PLA2G6: variants seen among roughly 807,000 people sequenced by gnomAD.
PLA2G6 encodes the protein phospholipase A2 group VI.
In PLA2G6, 62 loss-of-function variants were observed where a neutral mutation model predicts 83.8. That is an observed-to-expected ratio of 0.74 (90% CI 0.60 to 0.91). The LOEUF is 0.91. Among genes scored for constraint, PLA2G6 ranks in the 40% least tolerant of loss-of-function variants. PLA2G6 has a pLI of 0.00. For missense variants in PLA2G6, 944 were observed against 1,102.0 expected (o/e 0.86, Z 2.03); for synonymous variants, 417 against 449.8 (o/e 0.93, Z 0.92).
chr22:38,140,444 G>A, intron 4 of PLA2G6: 1 of 419,690 alleles, frequency 2.4e-6, no homozygotes, highest in Admixed American at 3.5e-5. Context: ...GGAGGCAGAG[G>A]TTGCAGTGAG....
chr22:38,145,098 G>A (rs143544082), intron 3 of PLA2G6: 46 of 340,266 alleles, frequency 1.4e-4, no homozygotes, highest in African/African-American at 9.0e-4. Flanking sequence ...CTGAAGTGCA[G>A]TGGTGCAATC....
chr22:38,167,585 G>A (rs1019028642), intron 2 of PLA2G6, among the ~76,000 whole-genome samples: 30 of 152,288 alleles, frequency 2.0e-4, no homozygotes, highest in Non-Finnish European at 4.0e-4. Flanking sequence ...AGTCCTGATC[G>A]AGTCCAGCTG....
Position 38,113,671 on chromosome 22 carries a change from AG to A in PLA2G6, c.2035-18del. On this transcript the variant is annotated intron_variant, in intron 14 of 16. Coordinates refer to ENST00000332509, the MANE Select transcript of PLA2G6 (RefSeq NM_003560.4). The stretch of plus-strand genomic sequence containing the variant: ...GGCCTGACCCTGTTGGGAACAGGAC[AG>A]GGGCAGTCAGAAGAGACCTTCCACA... 6.2e-7 allele frequency: 1 copy of A among 1,612,868 alleles called. No homozygotes were observed. The highest frequency in any genetic ancestry group is 8.5e-7 in the Non-Finnish European group (1 of 1,179,668).
intron 2 of PLA2G6, 40 bp downstream of exon 2, chr22:38,169,178 G>C (rs747714339): frequency 6.7e-7 from 1 of 1,492,456 alleles, no homozygotes; most frequent in Non-Finnish European, 9.3e-7. Flanking sequence ...ACGTGGGGGA[G>C]TGAAAGGAGA....
intron 2 of PLA2G6, among the ~76,000 whole-genome samples, chr22:38,153,711 T>C (rs1052530357): frequency 6.6e-6 from 1 of 151,174 alleles, no homozygotes; most frequent in Non-Finnish European, 1.5e-5. Context: ...AATTGAACTA[T>C]ACACACAAAA....
At chr22:38,160,067 T>C (rs1414437601) in intron 2 of PLA2G6, among the ~76,000 whole-genome samples, 1 of 152,206 alleles carries the variant, frequency 6.6e-6, no homozygotes, top group Admixed American at 6.5e-5. Flanking sequence ...ATTTTTTAAA[T>C]AGTCAAGAGA....
intron 1 of PLA2G6, among the ~76,000 whole-genome samples, chr22:38,181,112 T>G (rs2267371): frequency 0.34 from 52,369 of 151,798 alleles, 9,191 homozygotes; most frequent in Admixed American, 0.4. Context: ...ATGATCACCC[T>G]GGTCACATGC....
At chr22:38,155,202 G>A (rs1441370610) in intron 2 of PLA2G6, among the ~76,000 whole-genome samples, 1 of 151,744 alleles carries the variant, frequency 6.6e-6, no homozygotes, top group African/African-American at 2.4e-5. Flanking sequence ...ACTCCAGCCT[G>A]GGCGACAGAG....
intron 1 of PLA2G6, among the ~76,000 whole-genome samples, chr22:38,172,151 T>G (rs2090460711): frequency 6.6e-6 from 1 of 152,178 alleles, no homozygotes; most frequent in Admixed American, 6.5e-5. Context: ...CCTGAAAGCT[T>G]TACGTACATT....
At chr22:38,116,526 A>C in intron 12 of PLA2G6, 2 of 473,110 alleles carry the variant, frequency 4.2e-6, no homozygotes, top group Non-Finnish European at 8.5e-6. Context: ...AGGAAAGAAA[A>C]GGGGGCCGCA....
Position 38,133,006 on chromosome 22 carries a change from C to A in PLA2G6, c.902G>T (p.Arg301Leu), listed in dbSNP as rs771640880. The A allele has an allele frequency of 1.9e-6, 3 of 1,562,862 alleles. No homozygotes were observed. Among genetic ancestry groups the A allele is most frequent in the South Asian group, 1.2e-5 (1 of 85,014 alleles). ...LHWAKNAEMA[R>L]MLLKRGCNVN... ...GTTGCAGCCCCGTTTCAGCAGCATG[C>A]GGGCCATCTGCGGGAGACGGTCAGG... The change falls in exon 7 of 17, where the codon CGC becomes CTC. Residue 301 changes from arginine (R) to leucine (L), a missense_variant. Physicochemically the swap from Arg to Leu is moderately radical, Grantham distance 102. Transcript: ENST00000332509.
chr22:38,129,733 T>A (rs1398701067), intron 7 of PLA2G6, among the ~76,000 whole-genome samples, 171 bp from the exon 8 acceptor site: 1 of 152,156 alleles, frequency 6.6e-6, no homozygotes, highest in Admixed American at 6.5e-5. Context: ...TAGTCCAAAG[T>A]CTGCCATTTG....
chr22:38,145,939 TC>T (rs1202218207), intron 2 of PLA2G6: 2 of 425,586 alleles, frequency 4.7e-6, no homozygotes, highest in Non-Finnish European at 8.8e-6. Context: ...GGTGGTGTGA[TC>T]ATGACTCACT....
At chr22:38,116,437 G>GC in intron 12 of PLA2G6, 1 of 700,016 alleles carries the variant, frequency 1.4e-6, no homozygotes, top group South Asian at 1.5e-5. Context: ...AGCAAAAGTT[G>GC]GTTTTTTTGA....
At chr22:38,138,631 C>T (rs898766345) in intron 5 of PLA2G6, 1 of 152,240 alleles carries the variant, frequency 6.6e-6, no homozygotes, top group African/African-American at 2.4e-5. Flanking sequence ...TCGAAGGACT[C>T]ATTGGCTCAT....
intron 7 of PLA2G6, 140 bp from the exon 8 acceptor site, chr22:38,129,702 C>T: frequency 1.4e-6 from 1 of 713,688 alleles, no homozygotes; most frequent in Non-Finnish European, 2.6e-6. Context: ...ACCCTCCTCA[C>T]CCCCACCCAA....
At chr22:38,167,550 G>A (rs1438112742) in intron 2 of PLA2G6, among the ~76,000 whole-genome samples, 1 of 152,202 alleles carries the variant, frequency 6.6e-6, no homozygotes, top group Non-Finnish European at 1.5e-5. Context: ...GAAGCTACAA[G>A]TGCAAGCCTG....
intron 2 of PLA2G6, among the ~76,000 whole-genome samples, chr22:38,166,379 T>C (rs1376392847): frequency 6.6e-6 from 1 of 151,842 alleles, no homozygotes; most frequent in Non-Finnish European, 1.5e-5. Context: ...GGGGAGAAGA[T>C]AAAAAAGACT....
At chr22:38,157,998 C>T (rs1023085758) in intron 2 of PLA2G6, among the ~76,000 whole-genome samples, 3 of 151,250 alleles carry the variant, frequency 2.0e-5, no homozygotes, top group East Asian at 2.0e-4. Context: ...ATTGCACCAC[C>T]GCACTCCAGC....
Sources: gnomAD v4.1 joint callset for allele counts (sites outside exome capture counted in the v4.1 genomes callset) on GRCh38, gnomAD v4.1.1 for gene constraint, MANE v1.5 for transcripts, NCBI Gene and HGNC (gene_info 2026-07-23, HGNC 2026-07-21) for gene names.